REV3L: variants seen among roughly 807,000 people sequenced by gnomAD.
REV3L encodes DNA polymerase zeta catalytic subunit.
Under a neutral mutation model 299.4 loss-of-function variants are expected in REV3L, and 69 were observed. That is an observed-to-expected ratio of 0.23 (90% CI 0.19 to 0.28). REV3L has a LOEUF of 0.28. REV3L is among the 10% of genes least tolerant of loss of function. The probability of loss-of-function intolerance (pLI) is 1.00; values close to 1 mark genes in which losing one functional copy is unlikely to be tolerated. For synonymous variants in REV3L, 1,238 were observed against 1,271.4 expected (o/e 0.97, Z 0.56); for missense variants, 3,128 against 3,693.8 (o/e 0.85, Z 3.97).
intron 19 of REV3L, among the ~76,000 whole-genome samples, chr6:111,350,477 T>C (rs921891436): frequency 4.0e-5 from 6 of 150,080 alleles, no homozygotes; most frequent in African/African-American, 1.5e-4. Flanking sequence ...AAAAAGATAT[T>C]GAAAAAAAAA....
chr6:111,405,707 T>C (rs2128274899), intron 3 of REV3L, 77 bp from the exon 4 acceptor site: 2 of 996,992 alleles, frequency 2.0e-6, no homozygotes, highest in East Asian at 2.6e-5. Context: ...TATAGAAATA[T>C]ACAGAACAAA....
At chr6:111,448,485 C>T (rs1163543215) in intron 1 of REV3L, among the ~76,000 whole-genome samples, 1 of 152,030 alleles carries the variant, frequency 6.6e-6, no homozygotes, top group Non-Finnish European at 1.5e-5. Context: ...CAGGCACCGG[C>T]CACCACACCC....
At chr6:111,452,920 T>G (rs1562334948) in intron 1 of REV3L, among the ~76,000 whole-genome samples, 1 of 152,112 alleles carries the variant, frequency 6.6e-6, no homozygotes, top group East Asian at 1.9e-4. Flanking sequence ...AGTAAAAATG[T>G]GGAAATCACT....
rs143945615 is a variant in REV3L, at chr6:111,399,530, G to T, written c.565+5940C>A. On this transcript the variant is annotated intron_variant, in intron 4 of 31. Transcript: ENST00000368802. ...AATCTAGGACACCACACTGCATTCA[G>T]TTGCCATGTCTTTCCAGTCTCCTCT... 2.3e-3 allele frequency among the ~76,000 whole-genome samples: 345 copies of T among 152,286 alleles called. 2 individuals are homozygous for T. The highest frequency in any genetic ancestry group is 7.6e-3 in the African/African-American group (317 of 41,562).
intron 4 of REV3L, among the ~76,000 whole-genome samples, chr6:111,398,990 G>A (rs913475866): frequency 2.0e-5 from 3 of 152,042 alleles, no homozygotes; most frequent in African/African-American, 4.8e-5. Context: ...AATTTCACAT[G>A]ATGCCTTCAA....
intron 1 of REV3L, among the ~76,000 whole-genome samples, chr6:111,432,969 A>C (rs1422954326): frequency 6.6e-6 from 1 of 152,232 alleles, no homozygotes; most frequent in African/African-American, 2.4e-5. Context: ...AAAGAAATTA[A>C]GAAGGAAATT....
At chr6:111,454,370 TG>T (rs1339898612) in intron 1 of REV3L, among the ~76,000 whole-genome samples, 1 of 152,140 alleles carries the variant, frequency 6.6e-6, no homozygotes, top group Non-Finnish European at 1.5e-5. Flanking sequence ...CTTACCTTCA[TG>T]AATTTTTTTT....
chr6:111,381,459 G>A lies in REV3L; in HGVS notation c.1097-15C>T, dbSNP rs746297021. On this transcript the variant is annotated splice_polypyrimidine_tract_variant and intron_variant, in intron 9 of 31. Coordinates refer to ENST00000368802, the MANE Select transcript of REV3L (RefSeq NM_001372078.1). ...TCTAGTGTGACCTTAATTTGACAAA[G>A]AATAAAAAAAATTGAAGCAATGGCC... The A allele has an allele frequency of 3.8e-6, 6 of 1,583,056 alleles. No individual in the cohort carries two copies. The African/African-American group carries it at 5.5e-5, about 14-fold the overall frequency.
chr6:111,374,749 A>C lies in REV3L; in HGVS notation c.3606T>G (p.Asp1202Glu), dbSNP rs973066701. 1 of 1,612,242 alleles carries C rather than the reference A, an allele frequency of 6.2e-7. No homozygotes were observed. Among genetic ancestry groups the C allele is most frequent in the Non-Finnish European group, 8.5e-7 (1 of 1,179,470 alleles). ...NKRNQTNKLV[D>E]DGKKKPRAKQ... is the part of the protein sequence containing the mutation. ...TTGCTCTTGGTTTCTTTTTTCCATCATCTACTAGTTTATTTGTCTGATTTC... is the reference window on the plus strand; with the variant it reads ...TTGCTCTTGGTTTCTTTTTTCCATCCTCTACTAGTTTATTTGTCTGATTTC... The change falls in exon 13 of 32, where the codon GAT (aspartate) becomes GAG (glutamate). Residue 1202 changes from aspartate to glutamate, a missense_variant. Around this residue, in one of 9 missense-constraint regions of REV3L, gnomAD observed 2,409 missense variants for 2,611.8 expected, o/e 0.92. Coordinates refer to ENST00000368802, the MANE Select transcript of REV3L (RefSeq NM_001372078.1).
chr6:111,390,203 A>C, intron 5 of REV3L, 23 bp from the exon 6 acceptor site: 1 of 1,422,800 alleles, frequency 7.0e-7, no homozygotes, highest in South Asian at 1.2e-5. Flanking sequence ...GATATAAAAA[A>C]CATAATAATT....
chr6:111,433,528 T>C (rs1787193184), intron 1 of REV3L, among the ~76,000 whole-genome samples: 1 of 152,094 alleles, frequency 6.6e-6, no homozygotes, highest in South Asian at 2.1e-4. Flanking sequence ...GAAACCTTAA[T>C]ACACCAATAA....
intron 21 of REV3L, among the ~76,000 whole-genome samples, chr6:111,340,129 A>G (rs1255906400): frequency 6.6e-6 from 1 of 152,178 alleles, no homozygotes; most frequent in Admixed American, 6.5e-5. Context: ...AATCCCGAGT[A>G]CAAAATTCAC....
At position 111,373,091 on chromosome 6, in the gene REV3L, G is replaced by A; in HGVS notation, c.5264C>T (p.Ser1755Phe). 2 of 1,614,098 alleles carry A rather than the reference G, an allele frequency of 1.2e-6. No individual in the cohort carries two copies. The highest frequency in any genetic ancestry group is 8.5e-7 in the Non-Finnish European group (1 of 1,180,012). Residue 1755 changes from serine (S) to phenylalanine (F), a missense_variant, in exon 13 of 32, where the codon TCT (serine) becomes TTT (phenylalanine). Ser to Phe is a radical substitution (Grantham distance 155). Coordinates refer to ENST00000368802, the MANE Select transcript of REV3L (RefSeq NM_001372078.1). ...KNSFHPLTTR[S>F]NSIMDSFCVQ... The stretch of plus-strand genomic sequence containing the variant: ...ACAGAAAGAATCCATTATTGAGTTA[G>A]ACCGAGTTGTTAGAGGATGAAAGCT...
chr6:111,322,311 A>C (rs1047578213), intron 26 of REV3L, among the ~76,000 whole-genome samples: 4 of 152,318 alleles, frequency 2.6e-5, no homozygotes, highest in Admixed American at 1.3e-4. Context: ...TAGTTTACAG[A>C]TCACTATCTA....
chr6:111,337,310 C>T (rs1776004689), intron 21 of REV3L, among the ~76,000 whole-genome samples: 1 of 152,018 alleles, frequency 6.6e-6, no homozygotes, highest in Non-Finnish European at 1.5e-5. Flanking sequence ...ATGAAAGAAT[C>T]CTAAACTCTA....
At chr6:111,478,041 A>C (rs1793149631) in intron 1 of REV3L, among the ~76,000 whole-genome samples, 1 of 152,204 alleles carries the variant, frequency 6.6e-6, no homozygotes, top group Non-Finnish European at 1.5e-5. Flanking sequence ...AAGGATTCTA[A>C]TATACATTGC....
chr6:111,447,248 G>T (rs1788970084), intron 1 of REV3L, among the ~76,000 whole-genome samples: 2 of 152,170 alleles, frequency 1.3e-5, no homozygotes, highest in South Asian at 4.1e-4. Flanking sequence ...TACCGTACCA[G>T]ATGTGTTCTG....
At position 111,363,904 on chromosome 6, in the gene REV3L, G is replaced by A. The variant is rs755842391; in HGVS notation, c.6828C>T (p.Tyr2276=). ...QIDGPSLNNT[Y]GFKVSIQNLQ... ...AGTTTTGTATGCTGACTTTGAAACCGTAAGTATTGTTTAAAGATGGTCCAT... is the reference window on the plus strand; with the variant it reads ...AGTTTTGTATGCTGACTTTGAAACCATAAGTATTGTTTAAAGATGGTCCAT... The change falls in exon 16 of 32, where the codon TAC becomes TAT. Residue 2276 remains tyrosine, a synonymous_variant. Transcript: ENST00000368802. 144 of 1,612,976 alleles carry A rather than the reference G, an allele frequency of 8.9e-5. No individual in the cohort carries two copies. The highest frequency in any genetic ancestry group is 1.1e-4 in the Non-Finnish European group (133 of 1,179,594).
intron 3 of REV3L, among the ~76,000 whole-genome samples, chr6:111,405,932 CAAAT>C (rs376359347): frequency 1.2e-3 from 186 of 151,950 alleles, no homozygotes; most frequent in African/African-American, 4.1e-3. Flanking sequence ...TTAAAAATAA[CAAAT>C]AATTTTGAAA....
Sources: allele counts gnomAD v4.1 joint callset (sites outside exome capture counted in the v4.1 genomes callset), GRCh38; gene constraint gnomAD v4.1.1; regional missense constraint gnomAD v4.1.1; transcripts MANE v1.5; gene names NCBI Gene and HGNC (gene_info 2026-07-23, HGNC 2026-07-21).